NAV2: variants seen among roughly 807,000 people sequenced by gnomAD.
NAV2 encodes the protein helicase, APC down-regulated 1.
A neutral mutation model predicts 223.2 loss-of-function variants in NAV2; 54 were observed. The ratio of observed to expected loss-of-function variants is 0.24; its 90% CI spans 0.19 to 0.30. The LOEUF (loss-of-function observed/expected upper bound fraction) is 0.30, where lower values mean the gene tolerates loss of function less well. Ranked by LOEUF, NAV2 falls within the 10% of genes least tolerant of loss-of-function variation. The pLI, the probability that NAV2 is intolerant of heterozygous loss-of-function variation, is 1.00. For synonymous variants in NAV2, 1,279 were observed against 1,239.3 expected (o/e 1.03, Z -0.67); for missense variants, 2,806 against 3,147.5 (o/e 0.89, Z 2.60).
intron 1 of NAV2, among the ~76,000 whole-genome samples, chr11:19,474,911 C>T (rs66615852): frequency 0.22 from 34,244 of 152,210 alleles, 4,806 homozygotes; most frequent in East Asian, 0.31. Flanking sequence ...TCATCTGCTG[C>T]AAGGCTGAGA....
chr11:19,552,380 T>A (rs1434208424), intron 1 of NAV2, among the ~76,000 whole-genome samples: 2 of 152,140 alleles, frequency 1.3e-5, no homozygotes, highest in East Asian at 3.9e-4. Flanking sequence ...TCTACACTTC[T>A]CTGAATCAAT....
Position 20,118,180 on chromosome 11 carries a change from C to T in NAV2, c.7212C>T (p.Pro2404=). 1.9e-6 allele frequency: 3 copies of T among 1,614,140 alleles called. No homozygotes were observed. The highest frequency in any genetic ancestry group is 2.5e-6 in the Non-Finnish European group (3 of 1,179,990). ...AGGAGGCAGCCAACTACTCCAGCCCCCAGAGCTATGACAGCGACTCCAACA... is the reference window on the plus strand; with the variant it reads ...AGGAGGCAGCCAACTACTCCAGCCCTCAGAGCTATGACAGCGACTCCAACA... The part of the protein sequence containing the change: ...RLQEAANYSS[P]QSYDSDSNSN... Residue 2404 remains proline (P), a synonymous_variant, in exon 38 of 38, where the codon CCC becomes CCT. Transcript: ENST00000349880.
rs188257432 is a variant in NAV2, at chr11:19,930,668, A to G, written c.932-2508A>G. On this transcript the variant is annotated intron_variant, in intron 6 of 37. Coordinates refer to ENST00000349880, the MANE Select transcript of NAV2 (RefSeq NM_145117.5). ...AAGTACCTAAAACAGTATCTGACACATATTAGGAGCTCAAAGAATGAATAG... is the reference window on the plus strand; with the variant it reads ...AAGTACCTAAAACAGTATCTGACACGTATTAGGAGCTCAAAGAATGAATAG... Among the ~76,000 whole-genome samples, 44 of 152,346 alleles carry G rather than the reference A, an allele frequency of 2.9e-4. 1 individual carries two copies. Among genetic ancestry groups the G allele is most frequent in the African/African-American group, 1.0e-3 (42 of 41,582 alleles).
rs143748666 is a variant in NAV2 at position 19,982,944 on chromosome 11, C to T, written c.2646-1181C>T. Among the ~76,000 whole-genome samples, 376 of 152,306 alleles carry T rather than the reference C, an allele frequency of 2.5e-3. 10 individuals are homozygous for T. The highest frequency in any genetic ancestry group is 0.022 in the Admixed American group (337 of 15,302). ...GCAAGTGCAATTAAGCTTTCCATGA[C>T]GTAGCTCAGCTGACCCTGTTTCAGA... is the stretch of plus-strand genomic sequence containing the variant. On this transcript the variant is annotated intron_variant, in intron 10 of 37. Coordinates refer to ENST00000349880, the MANE Select transcript of NAV2 (RefSeq NM_145117.5).
At chr11:19,536,027 G>A (rs1458100099) in intron 1 of NAV2, among the ~76,000 whole-genome samples, 1 of 152,148 alleles carries the variant, frequency 6.6e-6, no homozygotes, top group African/African-American at 2.4e-5. Context: ...GGCTCAGAGG[G>A]GGTTAAGTTA....
chr11:19,823,031 C>T (rs1409442054), intron 1 of NAV2, among the ~76,000 whole-genome samples: 1 of 152,170 alleles, frequency 6.6e-6, no homozygotes, highest in Non-Finnish European at 1.5e-5. Flanking sequence ...CTTGCTTAAA[C>T]AGTATGTGCT....
At chr11:19,977,423 A>C (rs970844655) in intron 10 of NAV2, among the ~76,000 whole-genome samples, 2 of 152,244 alleles carry the variant, frequency 1.3e-5, no homozygotes, top group Non-Finnish European at 2.9e-5. Flanking sequence ...CATAATCAGG[A>C]AGAGGCAATA....
intron 11 of NAV2, among the ~76,000 whole-genome samples, chr11:20,002,095 A>G (rs1449141315): frequency 6.6e-6 from 1 of 152,214 alleles, no homozygotes; most frequent in East Asian, 1.9e-4. Flanking sequence ...GTACGTTCAC[A>G]TGGCAGAAAG....
chr11:19,580,844 T>G (rs901430417), intron 1 of NAV2, among the ~76,000 whole-genome samples: 5 of 152,244 alleles, frequency 3.3e-5, no homozygotes, highest in African/African-American at 7.2e-5. Flanking sequence ...AATGTTCAAC[T>G]TTACCAGCAA....
At chr11:19,742,599 G>A (rs1027617150) in intron 1 of NAV2, among the ~76,000 whole-genome samples, 12 of 152,128 alleles carry the variant, frequency 7.9e-5, no homozygotes, top group Non-Finnish European at 1.5e-4. Flanking sequence ...TGGTGCCTAT[G>A]TGGATGAGGC....
At chr11:19,763,687 C>T (rs895520887) in intron 1 of NAV2, among the ~76,000 whole-genome samples, 4 of 152,088 alleles carry the variant, frequency 2.6e-5, no homozygotes, top group African/African-American at 9.7e-5. Flanking sequence ...ACTGTCTCAG[C>T]TCCATGGGAG....
intron 20 of NAV2, among the ~76,000 whole-genome samples, chr11:20,062,881 G>A (rs1478287228): frequency 6.6e-6 from 1 of 152,128 alleles, no homozygotes; most frequent in East Asian, 1.9e-4. Context: ...TTTTAGTAGA[G>A]ACAGAGTTTC....
chr11:19,945,132 T>C lies in NAV2; in HGVS notation c.2147-1269T>C, dbSNP rs920618208. Among the ~76,000 whole-genome samples, 5 of 147,628 alleles carry C rather than the reference T, an allele frequency of 3.4e-5. No individual in the cohort carries two copies. The Admixed American group carries it at 3.6e-4, about 11-fold the overall frequency. ...CTTTTTTTCTCTTTCTTTCTTTCTT[T>C]CTTTCTTCCTTTCTTTCTGTCTCCC... On this transcript the variant is annotated intron_variant, in intron 8 of 37. Coordinates refer to ENST00000349880, the MANE Select transcript of NAV2 (RefSeq NM_145117.5).
Position 19,842,662 on chromosome 11 carries a change from C to T in NAV2, c.386-209C>T, listed in dbSNP as rs970496061. Among the ~76,000 whole-genome samples the T allele has an allele frequency of 3.3e-5, 5 of 152,288 alleles. No homozygotes were observed. In the East Asian group the frequency reaches 7.7e-4, roughly 24 times the overall value. ...ATGCAGTTGTCTCTGTTTTAGATGA[C>T]GACCTTGCCCCAGCTGTCCCTGGAG... On this transcript the variant is annotated intron_variant, in intron 2 of 37. Transcript: ENST00000349880.
rs191352370 is a variant in NAV2, at chr11:19,693,246, G to A, written c.76-139238G>A. On this transcript the variant is annotated intron_variant, in intron 1 of 37. Transcript: ENST00000360655. ...AGGGTCCCCTCGTGATGGGATGGGA[G>A]GGGATGCTGTGTTTCGAGTGAGATA... 9.8e-5 allele frequency among the ~76,000 whole-genome samples: 15 copies of A among 152,380 alleles called. No homozygotes were observed. The East Asian group carries it at 2.9e-3, about 29-fold the overall frequency.
At chr11:19,717,020 T>C (rs959317191) in intron 1 of NAV2, among the ~76,000 whole-genome samples, 2 of 152,136 alleles carry the variant, frequency 1.3e-5, no homozygotes, top group South Asian at 2.1e-4. Context: ...TCTTTAACCA[T>C]GATATTGTAC....
At chr11:19,504,076 T>A (rs1008791863) in intron 1 of NAV2, among the ~76,000 whole-genome samples, 4 of 152,162 alleles carry the variant, frequency 2.6e-5, no homozygotes, top group Admixed American at 6.5e-5. Context: ...CCACATCATA[T>A]GTCATCAAGC....
At chr11:19,627,167 C>T (rs543887226) in intron 1 of NAV2, among the ~76,000 whole-genome samples, 2 of 152,232 alleles carry the variant, frequency 1.3e-5, no homozygotes, top group South Asian at 2.1e-4. Context: ...GTGGGTGGAT[C>T]GCCTGAGGTC....
At chr11:19,838,233 C>T (rs1202304495) in intron 2 of NAV2, among the ~76,000 whole-genome samples, 3 of 152,076 alleles carry the variant, frequency 2.0e-5, no homozygotes, top group Non-Finnish European at 4.4e-5. Context: ...CTTTCTAGGC[C>T]CAGGAGGAGT....
Sources: gnomAD v4.1 joint callset for allele counts (sites outside exome capture counted in the v4.1 genomes callset) on GRCh38, gnomAD v4.1.1 for gene constraint, MANE v1.5 for transcripts, NCBI Gene and HGNC (gene_info 2026-07-23, HGNC 2026-07-21) for gene names.